TMTC2: variants seen among roughly 807,000 people sequenced by gnomAD.
TMTC2 encodes transmembrane O-mannosyltransferase targeting cadherins 2.
In TMTC2, 43 loss-of-function variants were observed where a neutral mutation model predicts 82.4. That is an observed-to-expected ratio of 0.52 (90% CI 0.41 to 0.67). The LOEUF is 0.67. Among genes scored for constraint, TMTC2 ranks in the 30% least tolerant of loss-of-function variants. The pLI is 0.00. For missense variants in TMTC2, 919 were observed against 1,012.4 expected (o/e 0.91, Z 1.25); for synonymous variants, 408 against 381.9 (o/e 1.07, Z -0.80).
At chr12:83,028,619 C>T (rs1488896720) in intron 8 of TMTC2, among the ~76,000 whole-genome samples, 1 of 152,088 alleles carries the variant, frequency 6.6e-6, no homozygotes, top group East Asian at 1.9e-4. Flanking sequence ...ACATGCTCTG[C>T]CTGTCCTCTT....
At chr12:83,041,092 A>C (rs1881878486) in intron 9 of TMTC2, among the ~76,000 whole-genome samples, 1 of 152,214 alleles carries the variant, frequency 6.6e-6, no homozygotes, top group Admixed American at 6.5e-5. Flanking sequence ...GTATGGAAAT[A>C]GAATCCACTT....
Position 82,930,381 on chromosome 12 carries a change from G to A in TMTC2, c.1484-50G>A, listed in dbSNP as rs1682573. 1,679 of 1,073,562 alleles carry A rather than the reference G, an allele frequency of 1.6e-3. 23 individuals carry two copies. The African/African-American group carries it at 0.023, about 15-fold the overall frequency. 66.5% of individuals were successfully genotyped at this position (1,073,562 alleles called of 1,614,324 possible). A position where few individuals can be genotyped will look rare whatever the true frequency, so the allele number is the denominator to read the frequency against. On this transcript the variant is annotated intron_variant, in intron 3 of 11. Coordinates refer to ENST00000321196, the MANE Select transcript of TMTC2 (RefSeq NM_152588.3). ...TCCTGATGGCCTGATATTATGTCAT[G>A]TATAATTGGATTGATGCTCAGTCTG...
intron 9 of TMTC2, among the ~76,000 whole-genome samples, chr12:83,040,538 C>A (rs932224471): frequency 3.3e-5 from 5 of 152,114 alleles, no homozygotes; most frequent in African/African-American, 1.2e-4. Context: ...TGAGATTGTA[C>A]AGATGTGAAA....
intron 11 of TMTC2, among the ~76,000 whole-genome samples, chr12:83,116,658 G>A (rs1346120240): frequency 6.6e-6 from 1 of 152,106 alleles, no homozygotes; most frequent in South Asian, 2.1e-4. Flanking sequence ...TCTCATTGTG[G>A]CTTTGATTTG....
At chr12:82,966,836 G>T (rs1878233736) in intron 6 of TMTC2, 83 bp from the exon 7 acceptor site, 1 of 1,007,844 alleles carries the variant, frequency 9.9e-7, no homozygotes, top group Non-Finnish European at 1.5e-6. Context: ...TTTTAACTTT[G>T]GAAGAAAGTT....
At chr12:82,758,078 AT>A in intron 1 of TMTC2, among the ~76,000 whole-genome samples, 1 of 152,198 alleles carries the variant, frequency 6.6e-6, no homozygotes, top group East Asian at 1.9e-4. Flanking sequence ...AGAAATATAA[AT>A]TTTACCTTAT....
At chr12:82,736,000 C>G (rs1444918875) in intron 1 of TMTC2, among the ~76,000 whole-genome samples, 1 of 129,326 alleles carries the variant, frequency 7.7e-6, no homozygotes, top group Non-Finnish European at 1.7e-5. Context: ...CACACACACA[C>G]ACAATTATCT....
At chr12:82,803,183 A>G (rs574986077) in intron 1 of TMTC2, among the ~76,000 whole-genome samples, 6 of 152,224 alleles carry the variant, frequency 3.9e-5, no homozygotes, top group African/African-American at 1.2e-4. Flanking sequence ...ATCCAGATGA[A>G]TGCCTCACAA....
chr12:83,043,576 C>G (rs1005916446), intron 9 of TMTC2, among the ~76,000 whole-genome samples: 1 of 152,190 alleles, frequency 6.6e-6, no homozygotes, highest in Non-Finnish European at 1.5e-5. Flanking sequence ...ACCAAAATTA[C>G]CTCCATTCAG....
At position 82,930,418 on chromosome 12, in the gene TMTC2, T is replaced by C; in HGVS notation, c.1484-13T>C. On this transcript the variant is annotated splice_polypyrimidine_tract_variant and intron_variant, in intron 3 of 11. Transcript: ENST00000321196. ...TGATGCTCAGTCTGAAAATTTCTTT[T>C]TCTTCTTGGCAGCATGGGGTAACCT... 1 of 1,548,380 alleles carries C rather than the reference T, an allele frequency of 6.5e-7. No homozygotes were observed. The highest frequency in any genetic ancestry group is 2.3e-5 in the East Asian group (1 of 43,762).
At chr12:83,031,031 A>G in intron 9 of TMTC2, 152 bp downstream of exon 9, 1 of 571,796 alleles carries the variant, frequency 1.7e-6, no homozygotes, top group Non-Finnish European at 3.1e-6. Context: ...CTTCTCATTC[A>G]AAACAGTCCT....
intron 1 of TMTC2, among the ~76,000 whole-genome samples, chr12:82,730,210 G>C (rs371761386): frequency 6.8e-6 from 1 of 147,572 alleles, no homozygotes; most frequent in Admixed American, 7.0e-5. Context: ...CAGGAGAATC[G>C]CTTGAACCCA....
chr12:82,998,224 G>GAT (rs1181422589), intron 8 of TMTC2, among the ~76,000 whole-genome samples: 1 of 152,114 alleles, frequency 6.6e-6, no homozygotes, highest in African/African-American at 2.4e-5. Context: ...CTCTATGATT[G>GAT]ATATGATGGG....
chr12:82,890,077 A>G (rs1171082616), intron 2 of TMTC2, among the ~76,000 whole-genome samples: 1 of 152,158 alleles, frequency 6.6e-6, no homozygotes, highest in Non-Finnish European at 1.5e-5. Context: ...GTATGAGTCT[A>G]CCTGTTCTAG....
intron 9 of TMTC2, among the ~76,000 whole-genome samples, chr12:83,032,543 AT>A (rs869218034): frequency 1.3e-4 from 20 of 149,662 alleles, no homozygotes; most frequent in East Asian, 9.7e-4. Flanking sequence ...TACAAAAAAA[AT>A]TTTTTTTTTA....
At chr12:82,996,245 C>T (rs1401815688) in intron 8 of TMTC2, among the ~76,000 whole-genome samples, 3 of 152,030 alleles carry the variant, frequency 2.0e-5, no homozygotes, top group Non-Finnish European at 4.4e-5. Flanking sequence ...TATAGTTTTC[C>T]TCAAATGTGA....
Position 83,074,963 on chromosome 12 carries a change from C to G in TMTC2, c.2331+13132C>G, listed in dbSNP as rs539586029. On this transcript the variant is annotated intron_variant, in intron 11 of 11. Coordinates refer to ENST00000321196, the MANE Select transcript of TMTC2 (RefSeq NM_152588.3). Reference sequence around the variant, plus strand: ...CCTTCTCCCTGTGGAGTTTTACCCCCTGCTCCTCTGGCCACCCTCCTGATG... The same window carrying G: ...CCTTCTCCCTGTGGAGTTTTACCCCGTGCTCCTCTGGCCACCCTCCTGATG... Among the ~76,000 whole-genome samples, 9 of 152,326 alleles carry G rather than the reference C, an allele frequency of 5.9e-5. No homozygotes were observed. The South Asian group carries it at 1.9e-3, about 32-fold the overall frequency.
At chr12:83,068,864 A>G (rs1283230414) in intron 11 of TMTC2, among the ~76,000 whole-genome samples, 1 of 150,912 alleles carries the variant, frequency 6.6e-6, no homozygotes, top group Non-Finnish European at 1.5e-5. Flanking sequence ...CCCCCCTCCC[A>G]CTCTTCCCCA....
At chr12:82,859,067 A>C (rs1346202793) in intron 2 of TMTC2, among the ~76,000 whole-genome samples, 1 of 130,522 alleles carries the variant, frequency 7.7e-6, no homozygotes, top group Admixed American at 7.8e-5. Context: ...AAATATTGTG[A>C]TTTTTTTTTT....
Sources: allele counts gnomAD v4.1 joint callset (sites outside exome capture counted in the v4.1 genomes callset), GRCh38; gene constraint gnomAD v4.1.1; transcripts MANE v1.5; gene names NCBI Gene and HGNC (gene_info 2026-07-23, HGNC 2026-07-21).